Variants in IL1RAPL2 observed in about 807,000 individuals in gnomAD.
IL1RAPL2 encodes interleukin 1 receptor accessory protein like 2.
Under a neutral mutation model 44.1 loss-of-function variants are expected in IL1RAPL2, and 3 were observed. The observed-to-expected ratio is 0.07, with a 90% CI of 0.03 to 0.18. The LOEUF (loss-of-function observed/expected upper bound fraction) is 0.18, where lower values mean the gene tolerates loss of function less well. IL1RAPL2 is among the 10% of genes least tolerant of loss of function. The pLI is 1.00. For missense variants in IL1RAPL2, 391 were observed against 496.4 expected (o/e 0.79, Z 2.02); for synonymous variants, 181 against 178.8 (o/e 1.01, Z -0.10).
chrX:105,603,296 A>T (rs1426461606), intron 6 of IL1RAPL2, among the ~76,000 whole-genome samples: 1 of 110,035 alleles, frequency 9.1e-6, no homozygotes, highest in Non-Finnish European at 1.9e-5. Context: ...AAATTCACTT[A>T]ACCAGTAAAG....
rs770411614 is a variant in IL1RAPL2, at chrX:105,463,449, C to G, written c.698-20864C>G. On this transcript the variant is annotated intron_variant, in intron 5 of 10. Coordinates refer to ENST00000372582, the MANE Select transcript of IL1RAPL2 (RefSeq NM_017416.2). ...GTTCTAATTCTGGTTTGCTAGTAAT[C>G]AAGTATTTGATTTAGGCAAAGTCTC... 3.6e-5 allele frequency among the ~76,000 whole-genome samples: 4 copies of G among 110,911 alleles called. No individual in the cohort carries two copies. The South Asian group carries it at 1.5e-3, about 42-fold the overall frequency.
intron 2 of IL1RAPL2, among the ~76,000 whole-genome samples, chrX:105,041,949 C>G (rs1396722698): frequency 1.8e-5 from 2 of 110,619 alleles, no homozygotes; most frequent in Non-Finnish European, 3.8e-5. Flanking sequence ...TGATCTTTGA[C>G]AAACCTGAGA....
chrX:105,656,395 T>C (rs983939947), intron 6 of IL1RAPL2, among the ~76,000 whole-genome samples: 2 of 112,010 alleles, frequency 1.8e-5, no homozygotes, highest in Non-Finnish European at 3.8e-5. Context: ...CATTGCATAA[T>C]AGCAAGTCTT....
chrX:104,988,947 A>C (rs2030611062), intron 2 of IL1RAPL2, among the ~76,000 whole-genome samples: 1 of 111,863 alleles, frequency 8.9e-6, no homozygotes, highest in Non-Finnish European at 1.9e-5. Flanking sequence ...TCATAAAGTG[A>C]ATTACATTTC....
chrX:105,569,626 A>G (rs755652362), intron 6 of IL1RAPL2, among the ~76,000 whole-genome samples: 10 of 111,776 alleles, frequency 8.9e-5, no homozygotes, highest in Non-Finnish European at 1.5e-4. Context: ...TTGAGTGATT[A>G]CCATAGACAG....
chrX:105,083,137 C>T (rs747177106), intron 2 of IL1RAPL2, among the ~76,000 whole-genome samples: 1 of 110,821 alleles, frequency 9.0e-6, no homozygotes, highest in African/African-American at 3.3e-5. Flanking sequence ...AAACACAGCA[C>T]AAGAACTTCA....
At chrX:104,906,736 A>G (rs1221355784) in intron 2 of IL1RAPL2, among the ~76,000 whole-genome samples, 3 of 111,809 alleles carry the variant, frequency 2.7e-5, no homozygotes, top group Non-Finnish European at 1.9e-5. Flanking sequence ...TTTTGCATCA[A>G]TGTTCATCAA....
At chrX:104,891,904 C>T (rs1390804051) in intron 2 of IL1RAPL2, among the ~76,000 whole-genome samples, 1 of 111,241 alleles carries the variant, frequency 9.0e-6, no homozygotes, top group East Asian at 2.8e-4. Context: ...CAGTTTTTGC[C>T]CATTCAGTAT....
chrX:104,908,281 T>C (rs1365867084), intron 2 of IL1RAPL2, among the ~76,000 whole-genome samples: 6 of 111,999 alleles, frequency 5.4e-5, no homozygotes, highest in Non-Finnish European at 1.1e-4. Flanking sequence ...TGTCTTTTAA[T>C]TGGAGCATTT....
chrX:104,655,915 C>T (rs1027947330), intron 1 of IL1RAPL2, among the ~76,000 whole-genome samples: 2 of 111,392 alleles, frequency 1.8e-5, no homozygotes, highest in African/African-American at 3.3e-5. Context: ...GTGTATGTGT[C>T]GAGGAATTTA....
intron 3 of IL1RAPL2, among the ~76,000 whole-genome samples, chrX:105,206,129 G>T (rs940062494): frequency 2.7e-5 from 3 of 111,208 alleles, no homozygotes; most frequent in Non-Finnish European, 5.7e-5. Flanking sequence ...AGAAGACCTG[G>T]AGATGAACAA....
chrX:104,946,379 CAAAAAAAAAAAAAAAA>C (rs1157603029), intron 2 of IL1RAPL2, among the ~76,000 whole-genome samples: 4 of 9,140 alleles, frequency 4.4e-4, no homozygotes, highest in African/African-American at 5.7e-4. Context: ...GACTCCGTCT[CAAAAAAAAAAAAAAAA>C]AAAAAAAAAA....
At chrX:105,156,267 C>T (rs1200801315) in intron 2 of IL1RAPL2, among the ~76,000 whole-genome samples, 1 of 111,634 alleles carries the variant, frequency 9.0e-6, no homozygotes, top group Non-Finnish European at 1.9e-5. Flanking sequence ...TTGGATTGAT[C>T]ATCTCACAGG....
chrX:105,324,782 A>G (rs2034923321), intron 5 of IL1RAPL2, among the ~76,000 whole-genome samples: 1 of 111,817 alleles, frequency 8.9e-6, no homozygotes, highest in African/African-American at 3.3e-5. Flanking sequence ...TGTTTTCACC[A>G]GATTATTGTT....
intron 2 of IL1RAPL2, among the ~76,000 whole-genome samples, chrX:105,023,415 A>T (rs974509161): frequency 6.3e-5 from 7 of 111,349 alleles, no homozygotes. Flanking sequence ...AGCAGTTATA[A>T]CTATCTGAAG....
At chrX:105,027,684 C>T (rs1201812242) in intron 2 of IL1RAPL2, among the ~76,000 whole-genome samples, 4 of 111,211 alleles carry the variant, frequency 3.6e-5, no homozygotes, top group Non-Finnish European at 7.6e-5. Flanking sequence ...ATAACAAATG[C>T]TGGTGAGGAT....
chrX:105,384,962 A>G (rs901223903), intron 5 of IL1RAPL2, among the ~76,000 whole-genome samples: 4 of 111,473 alleles, frequency 3.6e-5, no homozygotes, highest in African/African-American at 9.8e-5. Flanking sequence ...TGTTTCCCAC[A>G]ACTTTACTGA....
chrX:105,072,288 A>G (rs1000803424), intron 2 of IL1RAPL2, among the ~76,000 whole-genome samples: 21 of 111,907 alleles, frequency 1.9e-4, no homozygotes, highest in Middle Eastern at 4.6e-3. Context: ...CCATTAGTCA[A>G]TTAAACCTCT....
chrX:105,766,993 G>A lies in IL1RAPL2; in HGVS notation c.1393G>A (p.Glu465Lys), dbSNP rs1422807768. Residue 465 changes from glutamate (E) to lysine (K), a missense_variant, in exon 11 of 11, where the codon GAA becomes AAA. Glu to Lys is a moderately conservative substitution (Grantham distance 56, BLOSUM62 1). This residue lies in a region of IL1RAPL2 where 232 missense variants were observed against 244.8 expected (regional missense o/e 0.95). Coordinates refer to ENST00000372582, the MANE Select transcript of IL1RAPL2 (RefSeq NM_017416.2). ...CATGGAAGATCTCACAAGATATGTT[G>A]AACAAAGCAGAAGACTTATTATCGT... ...TYMEDLTRYVEQSRRLIIVLT... is the reference protein window; with the variant it reads ...TYMEDLTRYVKQSRRLIIVLT... 1.7e-6 allele frequency: 2 copies of A among 1,205,047 alleles called. No homozygotes were observed. Among genetic ancestry groups the A allele is most frequent in the South Asian group, 3.5e-5 (2 of 56,343 alleles).
Sources: gnomAD v4.1 joint callset for allele counts (sites outside exome capture counted in the v4.1 genomes callset) on GRCh38, gnomAD v4.1.1 for gene constraint, gnomAD v4.1.1 regional missense constraint, MANE v1.5 for transcripts, NCBI Gene and HGNC (gene_info 2026-07-23, HGNC 2026-07-21) for gene names.